PTPRD: variants seen among roughly 807,000 people sequenced by gnomAD.
PTPRD encodes receptor-type tyrosine-protein phosphatase delta.
A neutral mutation model predicts 214.5 loss-of-function variants in PTPRD; 34 were observed. The ratio of observed to expected loss-of-function variants is 0.16; its 90% CI spans 0.12 to 0.21. PTPRD has a LOEUF of 0.21. PTPRD is among the 10% of genes least tolerant of loss of function. PTPRD has a pLI of 1.00. For synonymous variants in PTPRD, 1,128 were observed against 845.7 expected, an observed-to-expected ratio of 1.33 and a Z score of -5.79; for missense variants, 2,545 against 2,398.7, an observed-to-expected ratio of 1.06 and a Z score of -1.27.
chr9:9,782,322 A>T (rs893199370), intron 5 of PTPRD, among the ~76,000 whole-genome samples: 2 of 152,176 alleles, frequency 1.3e-5, no homozygotes, highest in African/African-American at 4.8e-5. Context: ...AATGCCGATG[A>T]GATTAAGATT....
intron 11 of PTPRD, among the ~76,000 whole-genome samples, chr9:8,929,341 T>C (rs1403330614): frequency 6.6e-6 from 1 of 151,942 alleles, no homozygotes; most frequent in East Asian, 1.9e-4. Flanking sequence ...TGAATACCTC[T>C]TATTATTTTG....
intron 35 of PTPRD, among the ~76,000 whole-genome samples, chr9:8,422,838 G>A (rs2094448870): frequency 6.6e-6 from 1 of 152,140 alleles, no homozygotes; most frequent in African/African-American, 2.4e-5. Flanking sequence ...ATGACAAGGA[G>A]GTCAATTAAT....
At chr9:10,031,647 T>TATACATACACACACACACAC in intron 4 of PTPRD, among the ~76,000 whole-genome samples, 3 of 89,648 alleles carry the variant, frequency 3.3e-5, no homozygotes, top group African/African-American at 2.4e-4. Flanking sequence ...TATATATATA[T>TATACATACACACACACACAC]ACACACACAC....
At chr9:9,941,933 T>C (rs1178705947) in intron 4 of PTPRD, among the ~76,000 whole-genome samples, 2 of 152,202 alleles carry the variant, frequency 1.3e-5, no homozygotes, top group African/African-American at 4.8e-5. Flanking sequence ...TCTAATGTAT[T>C]TGAATGATTT....
chr9:10,053,269 G>C (rs781307783), intron 3 of PTPRD, among the ~76,000 whole-genome samples: 3 of 152,106 alleles, frequency 2.0e-5, no homozygotes, highest in Non-Finnish European at 4.4e-5. Context: ...TAATATTTTA[G>C]CTGCAACAAT....
At chr9:9,946,494 T>A (rs2092574093) in intron 4 of PTPRD, among the ~76,000 whole-genome samples, 1 of 152,092 alleles carries the variant, frequency 6.6e-6, no homozygotes, top group Non-Finnish European at 1.5e-5. Context: ...AGTGCAGGGT[T>A]CAATAGCTGA....
At chr9:8,470,921 C>A in intron 31 of PTPRD, 74 bp downstream of exon 31, 1 of 1,382,862 alleles carries the variant, frequency 7.2e-7, no homozygotes, top group Non-Finnish European at 1.0e-6. Context: ...CCTGAAAGGC[C>A]TCCAAGGGAG....
intron 2 of PTPRD, among the ~76,000 whole-genome samples, chr9:10,570,180 A>G (rs143300947): frequency 7.3e-4 from 111 of 152,234 alleles, no homozygotes; most frequent in African/African-American, 2.6e-3. Context: ...ACTTTATGTA[A>G]TCTGTTTTTG....
At chr9:9,247,363 G>A (rs1569565641) in intron 9 of PTPRD, among the ~76,000 whole-genome samples, 1 of 148,656 alleles carries the variant, frequency 6.7e-6, no homozygotes, top group Non-Finnish European at 1.5e-5. Context: ...TGGAATATAA[G>A]CACAAAATTA....
intron 11 of PTPRD, among the ~76,000 whole-genome samples, chr9:8,979,796 T>G (rs1276645607): frequency 2.6e-5 from 4 of 152,090 alleles, no homozygotes; most frequent in African/African-American, 9.7e-5. Flanking sequence ...GAATAGAGAT[T>G]GGTACAGCCA....
At chr9:8,826,737 T>C (rs1333337542) in intron 11 of PTPRD, among the ~76,000 whole-genome samples, 1 of 151,984 alleles carries the variant, frequency 6.6e-6, no homozygotes, top group Non-Finnish European at 1.5e-5. Flanking sequence ...AAGCATAGTA[T>C]CTCTTCTGAT....
intron 7 of PTPRD, among the ~76,000 whole-genome samples, chr9:9,696,232 T>C (rs1477395177): frequency 6.6e-6 from 1 of 152,190 alleles, no homozygotes; most frequent in African/African-American, 2.4e-5. Context: ...TATAGTCTAT[T>C]CTTGAGAATG....
intron 7 of PTPRD, among the ~76,000 whole-genome samples, chr9:9,644,934 C>G (rs941832862): frequency 1.3e-5 from 2 of 152,202 alleles, no homozygotes; most frequent in African/African-American, 2.4e-5. Flanking sequence ...TCTTTCAAGT[C>G]TGTGTAACCT....
chr9:10,314,817 A>G (rs931298845), intron 3 of PTPRD, among the ~76,000 whole-genome samples: 2 of 151,970 alleles, frequency 1.3e-5, no homozygotes, highest in African/African-American at 2.4e-5. Context: ...ATTAGAAGTT[A>G]TGTCTTCAAA....
rs145667628 is a variant in PTPRD, at chr9:8,585,324, T to A, written c.352+47993A>T. Among the ~76,000 whole-genome samples the A allele has an allele frequency of 7.2e-5, 11 of 152,246 alleles. No individual in the cohort carries two copies. The East Asian group carries it at 2.1e-3, about 29-fold the overall frequency. ...TAACTTTATAAAAAGAACAGGAAAT[T>A]GTGAGGCTCTGCAGTCTCCTGGGTC... On this transcript the variant is annotated intron_variant, in intron 14 of 45. Transcript: ENST00000381196.
intron 11 of PTPRD, among the ~76,000 whole-genome samples, chr9:8,787,307 C>T (rs964692861): frequency 6.6e-6 from 1 of 152,186 alleles, no homozygotes; most frequent in Non-Finnish European, 1.5e-5. Flanking sequence ...TCTACTTGAG[C>T]AACAGCAATA....
chr9:10,062,505 C>A (rs2097792775), intron 3 of PTPRD, among the ~76,000 whole-genome samples: 1 of 152,002 alleles, frequency 6.6e-6, no homozygotes, highest in East Asian at 1.9e-4. Flanking sequence ...ATTTGGTAGG[C>A]TGAGGCAGGA....
chr9:9,351,797 A>T (rs2051282845), intron 9 of PTPRD, among the ~76,000 whole-genome samples: 1 of 151,960 alleles, frequency 6.6e-6, no homozygotes, highest in Admixed American at 6.6e-5. Flanking sequence ...CTGGGTTCAT[A>T]ATTTGGACTA....
At chr9:10,384,012 T>C (rs1443240410) in intron 2 of PTPRD, among the ~76,000 whole-genome samples, 1 of 150,312 alleles carries the variant, frequency 6.7e-6, no homozygotes, top group Non-Finnish European at 1.5e-5. Flanking sequence ...AGAAGGATGG[T>C]TACCAAAGAC....
Sources: gnomAD v4.1 joint callset for allele counts (sites outside exome capture counted in the v4.1 genomes callset) on GRCh38, gnomAD v4.1.1 for gene constraint, MANE v1.5 for transcripts, NCBI Gene and HGNC (gene_info 2026-07-23, HGNC 2026-07-21) for gene names.